Variants in ODAD2 observed in about 807,000 individuals in gnomAD.
The protein encoded by ODAD2 is outer dynein arm docking complex subunit 2.
A neutral mutation model predicts 106.8 loss-of-function variants in ODAD2; 89 were observed. The observed-to-expected ratio is 0.83, with a 90% CI of 0.70 to 0.99. The LOEUF is 0.99. Ranked by LOEUF, ODAD2 falls within the 50% of genes least tolerant of loss-of-function variation. The pLI, the probability that ODAD2 is intolerant of heterozygous loss-of-function variation, is 0.00. For missense variants in ODAD2, 1,168 were observed against 1,238.5 expected (o/e 0.94, Z 0.85); for synonymous variants, 404 against 436.2 (o/e 0.93, Z 0.92).
chr10:27,976,847 T>C (rs530605894), intron 7 of ODAD2, among the ~76,000 whole-genome samples: 3 of 152,246 alleles, frequency 2.0e-5, no homozygotes, highest in African/African-American at 7.2e-5. Flanking sequence ...TCAAGACTTA[T>C]CATAAAGCTA....
chr10:27,984,491 T>C (rs1231851137), intron 4 of ODAD2, among the ~76,000 whole-genome samples: 1 of 152,222 alleles, frequency 6.6e-6, no homozygotes, highest in Non-Finnish European at 1.5e-5. Context: ...TTAAACGTAC[T>C]CCATTAAATA....
chr10:27,845,778 T>C, intron 19 of ODAD2, among the ~76,000 whole-genome samples: 1 of 152,140 alleles, frequency 6.6e-6, no homozygotes, highest in East Asian at 1.9e-4. Context: ...AATCCTAGTC[T>C]CTGATAAAAC....
chr10:27,982,544 G>A (rs1237284487), intron 6 of ODAD2, among the ~76,000 whole-genome samples: 2 of 152,022 alleles, frequency 1.3e-5, no homozygotes, highest in East Asian at 3.9e-4. Context: ...TTTGTCTACT[G>A]CCTCTTTGTA....
intron 16 of ODAD2, among the ~76,000 whole-genome samples, chr10:27,928,600 G>A (rs965666863): frequency 6.6e-5 from 10 of 151,972 alleles, no homozygotes; most frequent in African/African-American, 2.2e-4. Context: ...AGTTTAATGC[G>A]AATTATTTGC....
chr10:27,934,167 G>A (rs375196498), intron 16 of ODAD2, among the ~76,000 whole-genome samples: 2 of 152,174 alleles, frequency 1.3e-5, no homozygotes, highest in African/African-American at 4.8e-5. Context: ...CTATAATTAT[G>A]AGGCCTCCCA....
At chr10:27,987,580 T>C in intron 2 of ODAD2, 37 bp from the exon 3 acceptor site, 1 of 1,487,970 alleles carries the variant, frequency 6.7e-7, no homozygotes, top group Non-Finnish European at 9.2e-7. Flanking sequence ...AGCTTCATGC[T>C]ACCTAGAGGT....
At chr10:27,829,351 C>A (rs1216931812) in intron 19 of ODAD2, among the ~76,000 whole-genome samples, 1 of 152,130 alleles carries the variant, frequency 6.6e-6, no homozygotes, top group East Asian at 1.9e-4. Context: ...GTGAAAGATT[C>A]TTTTGGTCCA....
At chr10:27,955,166 G>A (rs1168837154) in intron 10 of ODAD2, among the ~76,000 whole-genome samples, 3 of 152,114 alleles carry the variant, frequency 2.0e-5, no homozygotes, top group Non-Finnish European at 2.9e-5. Flanking sequence ...GACGAACAGT[G>A]AGCATTGTTT....
intron 3 of ODAD2, among the ~76,000 whole-genome samples, chr10:27,986,644 G>T (rs1849890389): frequency 6.6e-6 from 1 of 152,142 alleles, no homozygotes; most frequent in Non-Finnish European, 1.5e-5. Flanking sequence ...AATACCTTGT[G>T]CCAGAAACCC....
intron 19 of ODAD2, among the ~76,000 whole-genome samples, chr10:27,847,990 T>A (rs1838915069): frequency 1.3e-5 from 2 of 152,168 alleles, no homozygotes; most frequent in Admixed American, 1.3e-4. Flanking sequence ...AAAATGGCCA[T>A]ATTGCCCAAG....
intron 17 of ODAD2, among the ~76,000 whole-genome samples, chr10:27,901,970 CATA>C (rs201191370): frequency 0.038 from 5,839 of 152,310 alleles, 159 homozygotes; most frequent in Non-Finnish European, 0.059. Context: ...TAGACATCTA[CATA>C]ACTCTCCACC....
intron 17 of ODAD2, among the ~76,000 whole-genome samples, chr10:27,902,728 C>A (rs1398119940): frequency 6.6e-6 from 1 of 152,106 alleles, no homozygotes; most frequent in Non-Finnish European, 1.5e-5. Flanking sequence ...GACACATACA[C>A]CCTCCCAAGT....
chr10:27,923,572 C>G (rs1008170514), intron 16 of ODAD2, among the ~76,000 whole-genome samples: 1 of 151,982 alleles, frequency 6.6e-6, no homozygotes, highest in African/African-American at 2.4e-5. Flanking sequence ...CAAGTTCACA[C>G]AAAATAATAA....
At chr10:27,874,454 G>C (rs889489878) in intron 17 of ODAD2, among the ~76,000 whole-genome samples, 4 of 152,126 alleles carry the variant, frequency 2.6e-5, no homozygotes, top group African/African-American at 7.2e-5. Flanking sequence ...TAGCATCGAT[G>C]GTCTTTACAT....
intron 10 of ODAD2, among the ~76,000 whole-genome samples, chr10:27,946,882 C>A (rs895521703): frequency 1.3e-5 from 2 of 152,150 alleles, no homozygotes; most frequent in Non-Finnish European, 2.9e-5. Flanking sequence ...AGATGTCAGC[C>A]TTTCTTCTTA....
intron 19 of ODAD2, among the ~76,000 whole-genome samples, chr10:27,841,905 C>T (rs1838334954): frequency 6.6e-6 from 1 of 152,152 alleles, no homozygotes; most frequent in Non-Finnish European, 1.5e-5. Context: ...CAGGTATGCA[C>T]CACCATGCCT....
intron 7 of ODAD2, among the ~76,000 whole-genome samples, chr10:27,971,560 T>C (rs1012049470): frequency 5.3e-5 from 8 of 152,182 alleles, no homozygotes; most frequent in African/African-American, 1.9e-4. Context: ...AGGCTGGACC[T>C]GCTCATTCCT....
intron 17 of ODAD2, among the ~76,000 whole-genome samples, chr10:27,903,757 T>TAC (rs1843381119): frequency 6.6e-6 from 1 of 152,048 alleles, no homozygotes; most frequent in Non-Finnish European, 1.5e-5. Context: ...TCCAGTGCGG[T>TAC]ACCTCCTATT....
intron 19 of ODAD2, among the ~76,000 whole-genome samples, chr10:27,828,087 C>T (rs972817049): frequency 4.6e-5 from 7 of 151,990 alleles, no homozygotes; most frequent in Admixed American, 1.3e-4. Context: ...TAGTATGCCT[C>T]GGGGAGGTTA....
Sources: allele counts gnomAD v4.1 joint callset (sites outside exome capture counted in the v4.1 genomes callset), GRCh38; gene constraint gnomAD v4.1.1; transcripts MANE v1.5; gene names NCBI Gene and HGNC (gene_info 2026-07-23, HGNC 2026-07-21).